The following SCHIP1 variants were observed in gnomAD, a reference collection of about 807,000 sequenced individuals.
SCHIP1 encodes the protein schwannomin-interacting protein 1.
A neutral mutation model predicts 29.7 loss-of-function variants in SCHIP1; 8 were observed. The ratio of observed to expected loss-of-function variants is 0.27; its 90% CI spans 0.16 to 0.49. The LOEUF is 0.49. Among genes scored for constraint, SCHIP1 ranks in the 20% least tolerant of loss-of-function variants. SCHIP1 has a pLI of 0.99. For synonymous variants in SCHIP1, 76 were observed against 94.9 expected (o/e 0.80, Z 1.16); for missense variants, 193 against 294.6 (o/e 0.66, Z 2.52).
Position 159,890,037 on chromosome 3 carries a change from G to A in SCHIP1, c.589+1094G>A, listed in dbSNP as rs560569693. Among the ~76,000 whole-genome samples the A allele has an allele frequency of 3.3e-5, 5 of 151,922 alleles. No individual in the cohort carries two copies. In the South Asian group the frequency reaches 6.2e-4, roughly 19 times the overall value. On this transcript the variant is annotated intron_variant, in intron 5 of 6. Coordinates refer to ENST00000445224, the Ensembl canonical transcript of SCHIP1. ...GTGAACCCGGGAGGCGGAGCTTGCA[G>A]TGAGCCGAGATCTCGCCACTGCACT...
At chr3:159,502,068 T>C in the SCHIP1 span, among the ~76,000 whole-genome samples, 7 of 152,180 alleles carry the variant, frequency 4.6e-5, no homozygotes, top group Admixed American at 3.9e-4. Flanking sequence ...GAAATTTCAG[T>C]TTGTAGAAAG....
chr3:159,860,057 G>T (rs940107079), intron 1 of SCHIP1, among the ~76,000 whole-genome samples: 7 of 151,842 alleles, frequency 4.6e-5, no homozygotes, highest in African/African-American at 1.7e-4. Flanking sequence ...GCTCCTCCCT[G>T]GTCTCCACTT....
intron 2 of SCHIP1, among the ~76,000 whole-genome samples, chr3:159,879,290 C>CT (rs1212030388): frequency 1.3e-5 from 2 of 148,824 alleles, no homozygotes; most frequent in East Asian, 2.0e-4. Context: ...TCTTTCTTCT[C>CT]TTTTTTTCTA....
chr3:159,762,158 A>C, the SCHIP1 span, among the ~76,000 whole-genome samples: 3 of 152,342 alleles, frequency 2.0e-5, no homozygotes, highest in East Asian at 5.8e-4. Flanking sequence ...CAATCTCAAA[A>C]TCAAACCGTA....
the SCHIP1 span, among the ~76,000 whole-genome samples, chr3:159,822,647 T>G: frequency 6.8e-6 from 1 of 146,424 alleles, no homozygotes; most frequent in Non-Finnish European, 1.5e-5. Context: ...ATGCGGTTTT[T>G]GCCATTACTT....
At chr3:159,602,097 C>T in the SCHIP1 span, among the ~76,000 whole-genome samples, 1 of 152,176 alleles carries the variant, frequency 6.6e-6, no homozygotes, top group Non-Finnish European at 1.5e-5. Flanking sequence ...GGAGCTCTCC[C>T]ATGGTTCACA....
the SCHIP1 span, among the ~76,000 whole-genome samples, chr3:159,701,674 T>C: frequency 6.6e-6 from 1 of 152,194 alleles, no homozygotes; most frequent in Non-Finnish European, 1.5e-5. Flanking sequence ...CACAATCATG[T>C]ATTTGTCCAT....
the SCHIP1 span, among the ~76,000 whole-genome samples, chr3:159,749,802 T>C: frequency 2.7e-4 from 41 of 152,330 alleles, 1 homozygote; most frequent in Middle Eastern, 3.4e-3. Flanking sequence ...AGGTATTCTT[T>C]GGAGTCAGCA....
At chr3:159,577,045 GT>G in the SCHIP1 span, among the ~76,000 whole-genome samples, 1 of 152,024 alleles carries the variant, frequency 6.6e-6, no homozygotes, top group Non-Finnish European at 1.5e-5. Flanking sequence ...TGTTATAATA[GT>G]TAAATGATTC....
intron 6 of SCHIP1, among the ~76,000 whole-genome samples, chr3:159,895,825 A>T (rs1229992473): frequency 2.0e-5 from 3 of 152,180 alleles, no homozygotes; most frequent in African/African-American, 4.8e-5. Flanking sequence ...CCTCCTGAAT[A>T]GCTGGGATTA....
chr3:159,602,818 C>G, the SCHIP1 span, among the ~76,000 whole-genome samples: 2 of 152,098 alleles, frequency 1.3e-5, no homozygotes, highest in Non-Finnish European at 2.9e-5. Flanking sequence ...TCTCACTCAA[C>G]AATCAACACA....
chr3:159,731,836 C>T, the SCHIP1 span, among the ~76,000 whole-genome samples: 15 of 152,118 alleles, frequency 9.9e-5, no homozygotes, highest in African/African-American at 3.6e-4. Flanking sequence ...TTAAAATTAG[C>T]CCACCAAATA....
chr3:159,680,199 T>C, the SCHIP1 span, among the ~76,000 whole-genome samples: 1 of 151,894 alleles, frequency 6.6e-6, no homozygotes, highest in South Asian at 2.1e-4. Flanking sequence ...TAAATAAATA[T>C]GTTAGAACAT....
At chr3:159,410,808 A>C in the SCHIP1 span, among the ~76,000 whole-genome samples, 1 of 152,148 alleles carries the variant, frequency 6.6e-6, no homozygotes, top group Non-Finnish European at 1.5e-5. Context: ...CAGTATATGA[A>C]GAGACATCTT....
the SCHIP1 span, among the ~76,000 whole-genome samples, chr3:159,680,406 G>A: frequency 6.8e-6 from 1 of 147,690 alleles, no homozygotes; most frequent in Non-Finnish European, 1.5e-5. Flanking sequence ...CTACTCGAGA[G>A]GCTGAGGCAG....
At chr3:159,747,611 C>G in the SCHIP1 span, among the ~76,000 whole-genome samples, 15 of 152,082 alleles carry the variant, frequency 9.9e-5, 1 homozygote, top group Admixed American at 9.8e-4. Flanking sequence ...ATGTTCCAAG[C>G]TCTATTAGTG....
the SCHIP1 span, among the ~76,000 whole-genome samples, chr3:159,287,516 T>G: frequency 6.6e-6 from 1 of 152,018 alleles, no homozygotes; most frequent in East Asian, 1.9e-4. Flanking sequence ...ATATAGTTTT[T>G]ATTTTTATAT....
chr3:159,279,942 ACTT>A, the SCHIP1 span, among the ~76,000 whole-genome samples: 1 of 152,136 alleles, frequency 6.6e-6, no homozygotes, highest in South Asian at 2.1e-4. Flanking sequence ...TTTCTGAGAC[ACTT>A]CTTCCAGATC....
chr3:159,568,745 A>G, the SCHIP1 span, among the ~76,000 whole-genome samples: 4 of 152,050 alleles, frequency 2.6e-5, no homozygotes, highest in Non-Finnish European at 5.9e-5. Context: ...CAAGGCTGTT[A>G]ATTATGTTGT....
Sources: gnomAD v4.1 joint callset for allele counts (sites outside exome capture counted in the v4.1 genomes callset) on GRCh38, gnomAD v4.1.1 for gene constraint, MANE v1.5 for transcripts, NCBI Gene and HGNC (gene_info 2026-07-23, HGNC 2026-07-21) for gene names.